WFDC6: variants seen among roughly 807,000 people sequenced by gnomAD.
WFDC6 encodes the protein WAP four-disulfide core domain protein 6.
In WFDC6, 10 loss-of-function variants were observed where a neutral mutation model predicts 8.2. The ratio of observed to expected loss-of-function variants is 1.22; its 90% CI spans 0.75 to 2.07. The LOEUF is 2.07. Among genes scored for constraint, WFDC6 ranks in the 30% most tolerant of loss-of-function variants. The probability of loss-of-function intolerance (pLI) is 0.00; values close to 1 mark genes in which losing one functional copy is unlikely to be tolerated. For synonymous variants in WFDC6, 28 were observed against 37.0 expected, an observed-to-expected ratio of 0.76 and a Z score of 0.88; for missense variants, 105 against 104.9, an observed-to-expected ratio of 1.00 and a Z score of 0.00.
intron 2 of WFDC6, 144 bp from the exon 3 acceptor site, chr20:45,534,649 A>G (rs1979296974): frequency 1.1e-6 from 1 of 935,032 alleles, no homozygotes. Context: ...GGGGGCTCCT[A>G]GAATGATCAT....
chr20:45,539,256 G>T, intron 1 of WFDC6, 61 bp downstream of exon 1: 1 of 1,506,156 alleles, frequency 6.6e-7, no homozygotes. Context: ...ATTATTCTTT[G>T]TTCCTTCCTC....
At chr20:45,536,102 A>G (rs975402551) in intron 2 of WFDC6, among the ~76,000 whole-genome samples, 1 of 152,076 alleles carries the variant, frequency 6.6e-6, no homozygotes, top group Non-Finnish European at 1.5e-5. Flanking sequence ...ACACACATTT[A>G]TCATTTCCAT....
intron 2 of WFDC6, among the ~76,000 whole-genome samples, chr20:45,535,667 T>C (rs73288213): frequency 5.6e-4 from 86 of 152,358 alleles, no homozygotes; most frequent in African/African-American, 2.0e-3. Flanking sequence ...CTCTCCTTTA[T>C]TTCCTTCCGG....
chr20:45,538,632 C>T (rs1471068364), intron 1 of WFDC6, among the ~76,000 whole-genome samples: 9 of 152,318 alleles, frequency 5.9e-5, no homozygotes, highest in African/African-American at 2.2e-4. Flanking sequence ...GGATGAAGCA[C>T]TTACTGTGAG....
intron 2 of WFDC6, chr20:45,537,370 T>G: frequency 1.4e-6 from 1 of 737,510 alleles, no homozygotes; most frequent in South Asian, 1.7e-5. Context: ...CTGGCCACAA[T>G]GAGCAAGTGG....
In WFDC6 at chr20:45,535,440, T is replaced by C. The variant is rs552565444; in HGVS notation, c.223-935A>G. 2.2e-4 allele frequency: 264 copies of C among 1,173,574 alleles called. No homozygotes were observed. In the South Asian group the frequency reaches 3.9e-3, roughly 17 times the overall value. The allele number at this position is 1,173,574 out of a possible 1,614,324, so 72.7% of individuals were successfully genotyped here. A position where few individuals can be genotyped will look rare whatever the true frequency, so the allele number is the denominator to read the frequency against. ...CTTTGTCTCCACTGAGAAGCAAATT[T>C]GCCTCAGGGCTCTGTTCCCAATTCA... On this transcript the variant is annotated intron_variant, in intron 2 of 2. Transcript: ENST00000372670.
chr20:45,539,288 A>C (rs779665929), intron 1 of WFDC6, 29 bp downstream of exon 1: 3 of 1,603,250 alleles, frequency 1.9e-6, no homozygotes, highest in Non-Finnish European at 2.6e-6. Flanking sequence ...TCCTTTCCCC[A>C]TTGCAAGGAC....
At position 45,538,318 on chromosome 20, in the gene WFDC6, C is replaced by T. The variant is rs376953427; in HGVS notation, c.92-224G>A. Reference sequence around the variant, plus strand: ...CCTAAACCAACCCCTACCCCCTACCCGCACCATCTATGAGATTCCTGAGAG... The same window carrying T: ...CCTAAACCAACCCCTACCCCCTACCTGCACCATCTATGAGATTCCTGAGAG... On this transcript the variant is annotated intron_variant, in intron 1 of 2. Coordinates refer to ENST00000372670, the MANE Select transcript of WFDC6 (RefSeq NM_080827.2). 1.7e-4 allele frequency among the ~76,000 whole-genome samples: 26 copies of T among 152,288 alleles called. 1 individual carries two copies. Among genetic ancestry groups the T allele is most frequent in the Admixed American group, 7.2e-4 (11 of 15,300 alleles).
At position 45,539,344 on chromosome 20, in the gene WFDC6, G is replaced by T. The variant is rs141915096; in HGVS notation, c.64C>A (p.Pro22Thr). The T allele has an allele frequency of 1.2e-6, 2 of 1,613,912 alleles. No homozygotes were observed. Among genetic ancestry groups the T allele is most frequent in the Non-Finnish European group, 8.5e-7 (1 of 1,179,870 alleles). Residue 22 changes from proline to threonine, a missense_variant, in exon 1 of 3, where the codon CCT becomes ACT. Physicochemically the swap from Pro to Thr is conservative, Grantham distance 38. Coordinates refer to ENST00000372670, the MANE Select transcript of WFDC6 (RefSeq NM_080827.2). ...PFILLGDIQEPGHAEGILGKP... is the reference protein window; with the variant it reads ...PFILLGDIQETGHAEGILGKP... The stretch of plus-strand genomic sequence containing the variant: ...CCAAGGATGCCTTCAGCGTGCCCAG[G>T]TTCCTGGATGTCCCCCAAAAGGATG...
chr20:45,537,461 T>C, intron 2 of WFDC6: 1 of 1,379,004 alleles, frequency 7.3e-7, no homozygotes, highest in East Asian at 2.5e-5. Flanking sequence ...TGATCTTCTT[T>C]AGAGCTCAAT....
chr20:45,534,472 C>T lies in WFDC6; in HGVS notation c.256G>A (p.Glu86Lys). 2 of 1,614,026 alleles carry T rather than the reference C, an allele frequency of 1.2e-6. No individual in the cohort carries two copies. The highest frequency in any genetic ancestry group is 2.2e-5 in the East Asian group (1 of 44,878). ...SLTLYHKEELE is the reference protein window; with the variant it reads ...SLTLYHKEELK Reference sequence around the variant, plus strand: ...TATGAGCCAAATCCTGGAGGTTATTCAAGCTCCTCCTTATGGTATAAAGTA... The same window carrying T: ...TATGAGCCAAATCCTGGAGGTTATTTAAGCTCCTCCTTATGGTATAAAGTA... Residue 86 changes from glutamate (E) to lysine (K), a missense_variant, in exon 3 of 3, where the codon GAA becomes AAA. Glu to Lys is a moderately conservative substitution (Grantham distance 56, BLOSUM62 1). Coordinates refer to ENST00000372670, the MANE Select transcript of WFDC6 (RefSeq NM_080827.2).
At chr20:45,537,546 G>A in intron 2 of WFDC6, 2 of 1,550,094 alleles carry the variant, frequency 1.3e-6, no homozygotes, top group Non-Finnish European at 1.7e-6. Flanking sequence ...TGTAGACAGA[G>A]AGGCCTAGAG....
chr20:45,537,562 A>G, intron 2 of WFDC6: 1 of 1,550,022 alleles, frequency 6.5e-7, no homozygotes, highest in Non-Finnish European at 8.7e-7. Flanking sequence ...TAGAGAAAAA[A>G]GCCAGGAAAT....
chr20:45,535,609 T>G (rs1017217282), intron 2 of WFDC6, among the ~76,000 whole-genome samples: 3 of 152,202 alleles, frequency 2.0e-5, no homozygotes, highest in African/African-American at 4.8e-5. Context: ...TTTCCTTGCC[T>G]CCCCAACATC....
intron 2 of WFDC6, 58 bp downstream of exon 2, chr20:45,537,906 A>G: frequency 1.2e-6 from 2 of 1,612,018 alleles, no homozygotes; most frequent in East Asian, 4.5e-5. Flanking sequence ...GAGGTAGTGC[A>G]GTGCAGGTGG....
intron 2 of WFDC6, chr20:45,535,311 T>C: frequency 7.7e-7 from 1 of 1,303,960 alleles, no homozygotes; most frequent in Non-Finnish European, 1.0e-6. Flanking sequence ...GCCAGCCTCC[T>C]GTGGCATACT....
Position 45,534,249 on chromosome 20 carries a change from T to TG in WFDC6, c.*217dup, listed in dbSNP as rs1979283967. On this transcript the variant is annotated 3_prime_UTR_variant, in exon 3 of 3. Transcript: ENST00000372670. ...CAACTGAAGCCTTCATACAAATAAA[T>TG]GGGGGGTCTGAAAGTTGAAGACATA... 4 of 602,908 alleles carry TG rather than the reference T, an allele frequency of 6.6e-6. No homozygotes were observed. The Admixed American group carries it at 1.1e-4, about 17-fold the overall frequency. The allele number at this position is 602,908 out of a possible 1,614,324, so 37.3% of individuals were successfully genotyped here. A position where few individuals can be genotyped will look rare whatever the true frequency, so the allele number is the denominator to read the frequency against.
intron 2 of WFDC6, chr20:45,535,264 T>A (rs1305527554): frequency 7.7e-6 from 10 of 1,304,112 alleles, no homozygotes; most frequent in Admixed American, 2.3e-5. Context: ...TAGTTTTTTT[T>A]ATTGTACCAC....
chr20:45,538,136 G>A, intron 1 of WFDC6, 42 bp from the exon 2 acceptor site: 3 of 1,612,776 alleles, frequency 1.9e-6, no homozygotes, highest in Non-Finnish European at 1.7e-6. Flanking sequence ...CCTTAAAGGA[G>A]CCAGTGCTCC....
Sources: allele counts gnomAD v4.1 joint callset (sites outside exome capture counted in the v4.1 genomes callset), GRCh38; gene constraint gnomAD v4.1.1; transcripts MANE v1.5; gene names NCBI Gene and HGNC (gene_info 2026-07-23, HGNC 2026-07-21).